ERICH6: variants seen among roughly 807,000 people sequenced by gnomAD.
ERICH6 encodes glutamate rich 6.
Under a neutral mutation model 71.0 loss-of-function variants are expected in ERICH6, and 71 were observed. The ratio of observed to expected loss-of-function variants is 1.00; its 90% CI spans 0.83 to 1.22. ERICH6 has a LOEUF of 1.22. ERICH6 is among the 50% of genes most tolerant of loss of function. The pLI is 0.00. For missense variants in ERICH6, 808 were observed against 797.2 expected (o/e 1.01, Z -0.16); for synonymous variants, 262 against 278.4 (o/e 0.94, Z 0.59).
chr3:150,687,531 CA>C (rs1163171468), intron 3 of ERICH6, among the ~76,000 whole-genome samples: 1 of 152,090 alleles, frequency 6.6e-6, no homozygotes. Flanking sequence ...TGAGATTTTT[CA>C]GGTAGGAGGG....
intron 6 of ERICH6, among the ~76,000 whole-genome samples, chr3:150,684,152 C>T (rs955170533): frequency 1.5e-4 from 23 of 152,164 alleles, no homozygotes; most frequent in African/African-American, 5.3e-4. Flanking sequence ...TTTGGGAGGC[C>T]AGGGTAGGGA....
At position 150,660,089 on chromosome 3, in the gene ERICH6, T is replaced by C. The variant is rs1194455365; in HGVS notation, c.1795A>G (p.Ser599Gly). The C allele has an allele frequency of 6.2e-6, 10 of 1,613,976 alleles. No homozygotes were observed. The highest frequency in any genetic ancestry group is 7.6e-6 in the Non-Finnish European group (9 of 1,180,030). Residue 599 changes from serine (S) to glycine (G), a missense_variant, in exon 14 of 14, where the codon AGT (serine) becomes GGT (glycine). Ser to Gly is a moderately conservative substitution (Grantham distance 56, BLOSUM62 0). This residue lies in a region of ERICH6 where 736 missense variants were observed against 712.2 expected (regional missense o/e 1.03). Coordinates refer to ENST00000295910, the MANE Select transcript of ERICH6 (RefSeq NM_152394.5). Reference protein sequence around the residue: ...VSGDDLLLLASLIKIRRLFHK... With the variant: ...VSGDDLLLLAGLIKIRRLFHK... ...AACAGGCGACGGATCTTTATTAAAC[T>C]GGCCAGCAGAAGAAGGTCATCTCCA...
chr3:150,702,269 ACT>A, intron 1 of ERICH6, 91 bp from the exon 2 acceptor site: 10 of 352,232 alleles, frequency 2.8e-5, no homozygotes, highest in South Asian at 3.6e-5. Context: ...ATGTCTGGAG[ACT>A]TTTTTTTTTT....
intron 2 of ERICH6, among the ~76,000 whole-genome samples, chr3:150,699,575 C>T (rs1027772919): frequency 2.4e-4 from 37 of 151,716 alleles, no homozygotes; most frequent in East Asian, 7.7e-4. Flanking sequence ...AAATGGGCAA[C>T]GAAGGATTAC....
intron 11 of ERICH6, among the ~76,000 whole-genome samples, chr3:150,670,833 C>T (rs1659658205): frequency 6.6e-6 from 1 of 152,134 alleles, no homozygotes; most frequent in Non-Finnish European, 1.5e-5. Context: ...TTTCCATATC[C>T]AGGCTGGTTA....
intron 6 of ERICH6, among the ~76,000 whole-genome samples, chr3:150,683,352 G>A (rs1427200663): frequency 6.6e-6 from 1 of 152,230 alleles, no homozygotes; most frequent in Non-Finnish European, 1.5e-5. Context: ...CAGAAAGAGA[G>A]CTGGGCAATA....
chr3:150,687,746 G>A (rs530345851), intron 3 of ERICH6, among the ~76,000 whole-genome samples: 7 of 152,274 alleles, frequency 4.6e-5, no homozygotes, highest in African/African-American at 1.7e-4. Context: ...AAGGAAAGAG[G>A]CTATTAAAAT....
At chr3:150,661,020 T>A (rs1727204883) in intron 13 of ERICH6, among the ~76,000 whole-genome samples, 1 of 152,152 alleles carries the variant, frequency 6.6e-6, no homozygotes, top group Non-Finnish European at 1.5e-5. Flanking sequence ...GACAGAAAAC[T>A]TTTTTACAGA....
In ERICH6 at chr3:150,682,264, C is replaced by T; in HGVS notation, c.836G>A (p.Arg279Lys). The change falls in exon 7 of 14, where the codon AGA becomes AAA. Residue 279 changes from arginine to lysine, a missense_variant. Arg to Lys is a conservative substitution (Grantham distance 26). Coordinates refer to ENST00000295910, the MANE Select transcript of ERICH6 (RefSeq NM_152394.5). ...AACATCCACATTAGAAAAAAATGCT[C>T]TTAGATCGCTGCCACAAAATTCACA... ...PKCEFCGSDL[R>K]AFFSNVDVSS... is the part of the protein sequence containing the mutation. 1 of 1,613,866 alleles carries T rather than the reference C, an allele frequency of 6.2e-7. No individual in the cohort carries two copies. Among genetic ancestry groups the T allele is most frequent in the Non-Finnish European group, 8.5e-7 (1 of 1,180,032 alleles).
intron 2 of ERICH6, among the ~76,000 whole-genome samples, chr3:150,700,561 A>G (rs1484798607): frequency 6.6e-6 from 1 of 151,792 alleles, no homozygotes; most frequent in East Asian, 1.9e-4. Context: ...ACAGAGAGTC[A>G]AAAAGTTTAT....
intron 3 of ERICH6, among the ~76,000 whole-genome samples, chr3:150,689,611 G>T (rs767739193): frequency 1.3e-5 from 2 of 152,152 alleles, no homozygotes; most frequent in Non-Finnish European, 2.9e-5. Context: ...GTGTGTGTTT[G>T]TATTTAAAAG....
chr3:150,686,385 C>A lies in ERICH6; in HGVS notation c.554-31G>T, dbSNP rs1283558503. ...AAAACAGGGTACATGTGTCATCAAT[C>A]TGACAAAGTAGAAAAGAAGCTGAAT... On this transcript the variant is annotated intron_variant, in intron 3 of 13. Coordinates refer to ENST00000295910, the MANE Select transcript of ERICH6 (RefSeq NM_152394.5). 3 of 1,596,328 alleles carry A rather than the reference C, an allele frequency of 1.9e-6. No individual in the cohort carries two copies. The African/African-American group carries it at 4.0e-5, about 21-fold the overall frequency.
intron 7 of ERICH6, among the ~76,000 whole-genome samples, chr3:150,681,672 G>A (rs893391562): frequency 2.0e-5 from 3 of 152,158 alleles, no homozygotes; most frequent in African/African-American, 7.2e-5. Flanking sequence ...AGCAGTACAT[G>A]TGGGTTCTAA....
At chr3:150,698,752 C>T (rs1712748590) in intron 3 of ERICH6, 39 bp downstream of exon 3, 2 of 1,522,250 alleles carry the variant, frequency 1.3e-6, no homozygotes, top group African/African-American at 1.4e-5. Context: ...AACATGCAAT[C>T]CCTCCTCCCA....
intron 7 of ERICH6, among the ~76,000 whole-genome samples, chr3:150,681,764 C>G (rs915470567): frequency 6.7e-6 from 1 of 149,190 alleles, no homozygotes. Flanking sequence ...TGGTATCCCA[C>G]TGTGCTTGTG....
At chr3:150,687,209 G>A (rs1044608604) in intron 3 of ERICH6, among the ~76,000 whole-genome samples, 2 of 152,196 alleles carry the variant, frequency 1.3e-5, no homozygotes, top group African/African-American at 2.4e-5. Context: ...TAATCACAAC[G>A]CTGCTAAGTG....
chr3:150,660,766 A>G (rs1366489495), intron 13 of ERICH6, among the ~76,000 whole-genome samples: 2 of 152,200 alleles, frequency 1.3e-5, no homozygotes, highest in Non-Finnish European at 2.9e-5. Flanking sequence ...AAGTGTTTTC[A>G]GTCTGTAGCT....
chr3:150,693,758 T>C (rs1712542222), intron 3 of ERICH6, among the ~76,000 whole-genome samples: 1 of 152,254 alleles, frequency 6.6e-6, no homozygotes. Flanking sequence ...TATAGTATAC[T>C]TGTTGTTAGA....
At chr3:150,693,794 A>AT (rs1432842082) in intron 3 of ERICH6, among the ~76,000 whole-genome samples, 1 of 152,098 alleles carries the variant, frequency 6.6e-6, no homozygotes, top group Non-Finnish European at 1.5e-5. Flanking sequence ...ATGTTTTTCA[A>AT]TTTTTATTAT....
Sources: gnomAD v4.1 joint callset for allele counts (sites outside exome capture counted in the v4.1 genomes callset) on GRCh38, gnomAD v4.1.1 for gene constraint, gnomAD v4.1.1 regional missense constraint, MANE v1.5 for transcripts, NCBI Gene and HGNC (gene_info 2026-07-23, HGNC 2026-07-21) for gene names.